SMC3: variants seen among roughly 807,000 people sequenced by gnomAD.
SMC3 encodes structural maintenance of chromosomes protein 3.
SMC3 carries 20 observed loss-of-function variants against 171.8 expected under a neutral mutation model. The ratio of observed to expected loss-of-function variants is 0.12; its 90% confidence interval spans 0.08 to 0.17. SMC3 has a LOEUF of 0.17. Ranked by LOEUF, SMC3 falls within the 10% of genes least tolerant of loss-of-function variation. The probability of loss-of-function intolerance (pLI) is 1.00; values close to 1 mark genes in which losing one functional copy is unlikely to be tolerated. For missense variants in SMC3, 543 were observed against 1,420.4 expected (o/e 0.38, Z 9.93); for synonymous variants, 464 against 451.1 (o/e 1.03, Z -0.36).
rs142669130 is a variant in SMC3 at position 110,596,432 on chromosome 10, G to A, written c.1998G>A (p.Gly666=). The change falls in exon 19 of 29, where the codon GGG becomes GGA. Residue 666 remains glycine, a synonymous_variant. Transcript: ENST00000361804. ...DQVSHRGALT[G]GYYDTRKSRL... is the part of the protein sequence containing the mutation. The stretch of plus-strand genomic sequence containing the variant: ...TCAGCCATCGGGGTGCTCTAACTGG[G>A]GGTTATTATGACACAAGGAAGTCTC... The A allele has an allele frequency of 6.2e-7, 1 of 1,613,924 alleles. No individual in the cohort carries two copies. Among genetic ancestry groups the A allele is most frequent in the Non-Finnish European group, 8.5e-7 (1 of 1,179,944 alleles).
chr10:110,582,149 A>G, intron 9 of SMC3, 51 bp downstream of exon 9: 1 of 1,481,778 alleles, frequency 6.7e-7, no homozygotes, highest in Non-Finnish European at 9.4e-7. Context: ...TGTTTTTATG[A>G]ATTTGTTAAA....
intron 7 of SMC3, 111 bp from the exon 8 acceptor site, chr10:110,580,793 T>C: frequency 1.3e-6 from 1 of 742,980 alleles, no homozygotes; most frequent in Non-Finnish European, 2.5e-6. Context: ...TCTAACCATT[T>C]TGCATAAGGG....
chr10:110,567,768 C>T lies in SMC3; in HGVS notation c.-49C>T. Reference sequence around the variant, plus strand: ...CGCCTCACCTGACCCTGCGGCCGTGCGGTTGCTGCTCCGGGGCAGGTCTCC... The same window carrying T: ...CGCCTCACCTGACCCTGCGGCCGTGTGGTTGCTGCTCCGGGGCAGGTCTCC... On this transcript the variant is annotated 5_prime_UTR_variant, in exon 1 of 29. Coordinates refer to ENST00000361804, the MANE Select transcript of SMC3 (RefSeq NM_005445.4). 1.9e-6 allele frequency: 3 copies of T among 1,611,726 alleles called. No individual in the cohort carries two copies. Among genetic ancestry groups the T allele is most frequent in the Non-Finnish European group, 1.7e-6 (2 of 1,178,496 alleles).
chr10:110,582,103 A>C lies in SMC3; in HGVS notation c.723+5A>C, dbSNP rs779291687. The C allele has an allele frequency of 1.2e-6, 2 of 1,608,884 alleles. No homozygotes were observed. Among genetic ancestry groups the C allele is most frequent in the Admixed American group, 3.3e-5 (2 of 60,008 alleles). On this transcript the variant is annotated splice_donor_5th_base_variant and intron_variant, in intron 9 of 28. Coordinates refer to ENST00000361804, the MANE Select transcript of SMC3 (RefSeq NM_005445.4). ...ACTCGTGCCAAACTTGATGAGGTAA[A>C]ATATTTACCTGTGACACTTAAAATC... is the stretch of plus-strand genomic sequence containing the variant.
intron 2 of SMC3, among the ~76,000 whole-genome samples, chr10:110,569,388 C>T (rs1353262217): frequency 1.3e-5 from 2 of 152,034 alleles, no homozygotes; most frequent in Admixed American, 6.6e-5. Flanking sequence ...CCCCCCACCC[C>T]GGCAGTCAGT....
At chr10:110,583,574 GAT>G (rs764845140) in intron 11 of SMC3, 26 bp downstream of exon 11, 1 of 1,609,880 alleles carries the variant, frequency 6.2e-7, no homozygotes, top group Non-Finnish European at 8.5e-7. Flanking sequence ...AAAAATGAAA[GAT>G]GTGAATGTTC....
intron 13 of SMC3, among the ~76,000 whole-genome samples, chr10:110,586,675 T>C (rs1590558930): frequency 6.6e-6 from 1 of 152,274 alleles, no homozygotes; most frequent in Admixed American, 6.5e-5. Context: ...ATAGCCTTTT[T>C]TTTGAGACAG....
chr10:110,594,395 A>C (rs1861262094), intron 18 of SMC3, among the ~76,000 whole-genome samples: 1 of 152,050 alleles, frequency 6.6e-6, no homozygotes, highest in Admixed American at 6.6e-5. Context: ...CATAAGTTTG[A>C]AGTACTGATA....
In SMC3 at chr10:110,600,521, G is replaced by A; in HGVS notation, c.2510G>A (p.Arg837Lys). The A allele has an allele frequency of 1.3e-6, 2 of 1,565,426 alleles. No individual in the cohort carries two copies. The highest frequency in any genetic ancestry group is 1.8e-6 in the Non-Finnish European group (2 of 1,136,860). The change falls in exon 22 of 29, where the codon AGA becomes AAA. Residue 837 changes from arginine (R) to lysine (K), a missense_variant. This residue lies in a region of SMC3 where 33 missense variants were observed against 33.6 expected (regional missense o/e 0.98). Coordinates refer to ENST00000361804, the MANE Select transcript of SMC3 (RefSeq NM_005445.4). Reference sequence around the variant, plus strand: ...GAGACTTATCTCAATGAGAATCTGAGAAAACGCTTGGACCAAGTAGAACAG... The same window carrying A: ...GAGACTTATCTCAATGAGAATCTGAAAAAACGCTTGGACCAAGTAGAACAG... ...RVETYLNENLRKRLDQVEQEL... is the reference protein window; with the variant it reads ...RVETYLNENLKKRLDQVEQEL...
intron 17 of SMC3, among the ~76,000 whole-genome samples, chr10:110,591,391 A>C (rs947207849): frequency 2.0e-5 from 3 of 152,104 alleles, no homozygotes; most frequent in African/African-American, 7.2e-5. Flanking sequence ...TTTAAAAAGA[A>C]GAGAAAAAAG....
intron 2 of SMC3, among the ~76,000 whole-genome samples, chr10:110,572,473 T>G (rs1247930544): frequency 6.6e-6 from 1 of 152,224 alleles, no homozygotes; most frequent in Non-Finnish European, 1.5e-5. Context: ...CTTTGTCTTT[T>G]ATAACATTGT....
chr10:110,601,093 C>T lies in SMC3; in HGVS notation c.2607C>T (p.Ile869=). The change falls in exon 23 of 29, where the codon ATC becomes ATT. Residue 869 remains isoleucine, a synonymous_variant. Coordinates refer to ENST00000361804, the MANE Select transcript of SMC3 (RefSeq NM_005445.4). ...CCACAACATCAGAACTTGAAGCCAT[C>T]AATAAAAGAGTAAAAGACACTATGG... is the stretch of plus-strand genomic sequence containing the variant. ...LTATTSELEA[I]NKRVKDTMAR... The T allele has an allele frequency of 6.2e-7, 1 of 1,613,364 alleles. No individual in the cohort carries two copies. The highest frequency in any genetic ancestry group is 8.5e-7 in the Non-Finnish European group (1 of 1,179,648).
chr10:110,577,980 G>A, intron 6 of SMC3, 66 bp downstream of exon 6: 2 of 1,089,278 alleles, frequency 1.8e-6, no homozygotes, highest in Non-Finnish European at 2.8e-6. Flanking sequence ...GTATTGCTGT[G>A]TTGGCCAGGT....
At chr10:110,579,399 A>AGCCTC (rs1860999186) in intron 7 of SMC3, among the ~76,000 whole-genome samples, 1 of 152,170 alleles carries the variant, frequency 6.6e-6, no homozygotes, top group Non-Finnish European at 1.5e-5. Context: ...TGTGGGAGAT[A>AGCCTC]AATTTTTTTA....
At chr10:110,570,309 G>A (rs1860851313) in intron 2 of SMC3, among the ~76,000 whole-genome samples, 1 of 152,184 alleles carries the variant, frequency 6.6e-6, no homozygotes, top group African/African-American at 2.4e-5. Context: ...CATTACTAAT[G>A]TTTCCAGAAG....
chr10:110,573,577 G>GTTT, intron 2 of SMC3, 130 bp from the exon 3 acceptor site: 2 of 634,578 alleles, frequency 3.2e-6, no homozygotes, highest in Non-Finnish European at 5.5e-6. Flanking sequence ...TTTGTTCACT[G>GTTT]TTTAATTTCA....
rs1475668113 is a variant in SMC3, at chr10:110,605,545, A to G, written c.*1243A>G. Among the ~76,000 whole-genome samples the G allele has an allele frequency of 2.0e-5, 3 of 152,230 alleles. No individual in the cohort carries two copies. In the South Asian group the frequency reaches 6.2e-4, roughly 32 times the overall value. ...TAAAGAGATACTTTTAAAATAAAGA[A>G]ATAGTAATGGGACTTTAAATTGAAT... is the stretch of plus-strand genomic sequence containing the variant. On this transcript the variant is annotated 3_prime_UTR_variant, in exon 29 of 29. Transcript: ENST00000361804.
chr10:110,602,758 G>A, intron 26 of SMC3, 67 bp from the exon 27 acceptor site: 1 of 1,571,362 alleles, frequency 6.4e-7, no homozygotes, highest in Non-Finnish European at 8.8e-7. Flanking sequence ...TTATATGCAA[G>A]TTACTTTTGA....
Position 110,575,417 on chromosome 10 carries a change from CT to C in SMC3, c.198+17del. On this transcript the variant is annotated intron_variant, in intron 4 of 28. Transcript: ENST00000361804. ...GCTTTATTGCATGTGAGTGAGACTG[CT>C]TTAAGACATTATTGATATTACATAT... is the stretch of plus-strand genomic sequence containing the variant. 1 of 1,584,338 alleles carries C rather than the reference CT, an allele frequency of 6.3e-7. No homozygotes were observed. The highest frequency in any genetic ancestry group is 8.7e-7 in the Non-Finnish European group (1 of 1,153,212).
Sources: gnomAD v4.1 joint callset for allele counts (sites outside exome capture counted in the v4.1 genomes callset) on GRCh38, gnomAD v4.1.1 for gene constraint, gnomAD v4.1.1 regional missense constraint, MANE v1.5 for transcripts, NCBI Gene and HGNC (gene_info 2026-07-23, HGNC 2026-07-21) for gene names.